Variants in FHL2 observed in about 807,000 individuals in gnomAD.
FHL2 encodes four and a half LIM domains protein 2.
Under a neutral mutation model 32.7 loss-of-function variants are expected in FHL2, and 20 were observed. The observed-to-expected ratio is 0.61, with a 90% CI of 0.43 to 0.89. The LOEUF (loss-of-function observed/expected upper bound fraction) is 0.89. FHL2 is among the 40% of genes least tolerant of loss of function. The probability of loss-of-function intolerance (pLI) is 0.00; values close to 1 mark genes in which losing one functional copy is unlikely to be tolerated. For missense variants in FHL2, 311 were observed against 358.6 expected (o/e 0.87, Z 1.07); for synonymous variants, 123 against 128.1 (o/e 0.96, Z 0.27).
intron 1 of FHL2, among the ~76,000 whole-genome samples, chr2:105,431,094 G>A (rs1343585636): frequency 2.6e-5 from 4 of 152,226 alleles, no homozygotes; most frequent in African/African-American, 9.7e-5. Context: ...TTATGATGGG[G>A]AGGAAGAGTT....
At chr2:105,400,191 G>A (rs557501588), upstream of FHL2, among the ~76,000 whole-genome samples, 1 of 152,270 alleles carries the variant, frequency 6.6e-6, no homozygotes, top group Admixed American at 6.5e-5. Context: ...TTTGCTCCAG[G>A]CCACGTGAAC....
intron 3 of FHL2, among the ~76,000 whole-genome samples, chr2:105,378,993 C>T (rs531421766): frequency 2.0e-5 from 3 of 152,298 alleles, no homozygotes; most frequent in Admixed American, 2.0e-4. Flanking sequence ...CCACAGTCCA[C>T]ATCTCTTGTA....
chr2:105,430,188 C>T (rs902790191), intron 1 of FHL2, among the ~76,000 whole-genome samples: 4 of 152,184 alleles, frequency 2.6e-5, no homozygotes, highest in Non-Finnish European at 5.9e-5. Context: ...TGATAGGCAT[C>T]GTTGGGGCTT....
At chr2:105,400,678 A>C (rs1163912582), upstream of FHL2, among the ~76,000 whole-genome samples, 3 of 102,008 alleles carry the variant, frequency 2.9e-5, no homozygotes, top group African/African-American at 1.2e-4. Flanking sequence ...CTTTTGTCTT[A>C]TATTTTAATT....
intron 1 of FHL2, 33 bp from the exon 2 acceptor site, chr2:105,396,730 G>A: frequency 1.9e-6 from 3 of 1,607,160 alleles, no homozygotes; most frequent in Non-Finnish European, 2.6e-6. Context: ...GTTTCAGATG[G>A]TCATCTTGAG....
At chr2:105,401,359 C>T (rs1025139937), upstream of FHL2, among the ~76,000 whole-genome samples, 8 of 152,136 alleles carry the variant, frequency 5.3e-5, no homozygotes, top group East Asian at 1.9e-4. Flanking sequence ...TATATATATA[C>T]GAAATACTAT....
downstream of FHL2, chr2:105,359,081 C>G (rs1680121907): frequency 1.3e-5 from 2 of 152,168 alleles, no homozygotes; most frequent in Admixed American, 6.5e-5. Flanking sequence ...CAATATCTGC[C>G]TGCTTTGGAT....
intron 1 of FHL2, chr2:105,438,296 A>G: frequency 1.1e-6 from 1 of 912,830 alleles, no homozygotes; most frequent in Non-Finnish European, 1.3e-6. Context: ...AGGGCTGGAC[A>G]CTCCCTCTGC....
upstream of FHL2, chr2:105,399,124 G>T (rs774211482): frequency 1.4e-6 from 2 of 1,401,280 alleles, no homozygotes; most frequent in Non-Finnish European, 1.8e-6. Context: ...TGCACGCCTC[G>T]GCTCGCTGGC....
intron 1 of FHL2, among the ~76,000 whole-genome samples, chr2:105,422,759 T>C (rs1252584674): frequency 6.6e-6 from 1 of 152,178 alleles, no homozygotes; most frequent in Non-Finnish European, 1.5e-5. Flanking sequence ...GTCCTGTTTA[T>C]TTTATCAATT....
chr2:105,392,812 CTTTTTTT>C (rs34774107), intron 2 of FHL2, among the ~76,000 whole-genome samples: 1 of 65,968 alleles, frequency 1.5e-5, no homozygotes, highest in East Asian at 6.3e-4. Flanking sequence ...TGCCAGGAAG[CTTTTTTT>C]TTTTTTTTTT....
intron 1 of FHL2, among the ~76,000 whole-genome samples, chr2:105,414,794 C>G (rs1683888636): frequency 6.6e-6 from 1 of 152,192 alleles, no homozygotes; most frequent in Admixed American, 6.5e-5. Context: ...TTCAAGTGAT[C>G]CACCCACCTT....
intron 2 of FHL2, among the ~76,000 whole-genome samples, chr2:105,395,495 T>C (rs1396035243): frequency 6.6e-6 from 1 of 152,214 alleles, no homozygotes; most frequent in Non-Finnish European, 1.5e-5. Flanking sequence ...GGCCTTTCTC[T>C]TGGCATCCAG....
At chr2:105,404,605 A>AGGGC (rs1191286630) in intron 1 of FHL2, among the ~76,000 whole-genome samples, 2 of 152,216 alleles carry the variant, frequency 1.3e-5, no homozygotes, top group Non-Finnish European at 2.9e-5. Flanking sequence ...GGGAGACCCA[A>AGGGC]GGGCCTCCAG....
chr2:105,423,170 G>A (rs2104671455), intron 1 of FHL2, among the ~76,000 whole-genome samples: 1 of 152,170 alleles, frequency 6.6e-6, no homozygotes, highest in East Asian at 1.9e-4. Flanking sequence ...CAGAATGGAG[G>A]CTGTCAGTGA....
intron 2 of FHL2, 80 bp from the exon 3 acceptor site, chr2:105,386,620 T>C: frequency 7.9e-7 from 1 of 1,264,464 alleles, no homozygotes; most frequent in Admixed American, 2.0e-5. Flanking sequence ...ACTGTCCCAC[T>C]GTCTGTCATC....
At chr2:105,401,471 GAAAACAT>G (rs1323860029), upstream of FHL2, among the ~76,000 whole-genome samples, 1 of 152,112 alleles carries the variant, frequency 6.6e-6, no homozygotes, top group Non-Finnish European at 1.5e-5. Flanking sequence ...ATTCCATAAT[GAAAACAT>G]TTTTAAATTA....
At chr2:105,395,015 T>C (rs932090521) in intron 2 of FHL2, among the ~76,000 whole-genome samples, 2 of 152,250 alleles carry the variant, frequency 1.3e-5, no homozygotes, top group African/African-American at 4.8e-5. Context: ...TACACTTGTT[T>C]TGATGTCGTT....
chr2:105,417,599 G>A (rs1458729115), intron 1 of FHL2, among the ~76,000 whole-genome samples: 9 of 148,252 alleles, frequency 6.1e-5, no homozygotes, highest in African/African-American at 2.2e-4. Context: ...CAGAAGAACT[G>A]CTTGAACCTG....
Sources: gnomAD v4.1 joint callset for allele counts (sites outside exome capture counted in the v4.1 genomes callset) on GRCh38, gnomAD v4.1.1 for gene constraint, MANE v1.5 for transcripts, NCBI Gene and HGNC (gene_info 2026-07-23, HGNC 2026-07-21) for gene names.